The following TBC1D22A variants were observed in gnomAD, a reference collection of about 807,000 sequenced individuals.
TBC1D22A encodes the protein putative GTPase activator.
In TBC1D22A, 38 loss-of-function variants were observed where a neutral mutation model predicts 60.2. The observed-to-expected ratio is 0.63, with a 90% CI of 0.49 to 0.83. TBC1D22A has a LOEUF of 0.83. Among genes scored for constraint, TBC1D22A ranks in the 40% least tolerant of loss-of-function variants. TBC1D22A has a pLI of 0.00. For synonymous variants in TBC1D22A, 302 were observed against 281.7 expected, an observed-to-expected ratio of 1.07 and a Z score of -0.72; for missense variants, 628 against 701.0, an observed-to-expected ratio of 0.90 and a Z score of 1.18.
intron 8 of TBC1D22A, among the ~76,000 whole-genome samples, chr22:46,946,117 T>C (rs942556764): frequency 3.3e-5 from 5 of 152,210 alleles, no homozygotes; most frequent in Admixed American, 3.3e-4. Context: ...AGGGAGGGAA[T>C]GGAGTGTTGC....
At chr22:47,091,906 G>C (rs2147622774) in intron 11 of TBC1D22A, among the ~76,000 whole-genome samples, 1 of 152,330 alleles carries the variant, frequency 6.6e-6, no homozygotes, top group South Asian at 2.1e-4. Flanking sequence ...TGGGTACAGA[G>C]CTCTGTGATA....
intron 12 of TBC1D22A, among the ~76,000 whole-genome samples, chr22:47,120,134 A>G (rs1443412094): frequency 6.6e-6 from 1 of 152,204 alleles, no homozygotes; most frequent in Non-Finnish European, 1.5e-5. Context: ...CACTATTAAT[A>G]AAAATATCCT....
intron 12 of TBC1D22A, among the ~76,000 whole-genome samples, chr22:47,144,725 CCG>C (rs2067228442): frequency 6.9e-6 from 1 of 145,674 alleles, no homozygotes; most frequent in Non-Finnish European, 1.5e-5. Context: ...TGGGTGCAGC[CCG>C]TGAAGGTGCC....
intron 8 of TBC1D22A, 88 bp downstream of exon 8, chr22:46,912,276 A>G: frequency 1.0e-6 from 1 of 957,324 alleles, no homozygotes; most frequent in East Asian, 2.5e-5. Context: ...GAAAATTGCT[A>G]CTAAGTGTAA....
Position 46,762,665 on chromosome 22 carries a change from C to T in TBC1D22A, c.-122C>T. On this transcript the variant is annotated 5_prime_UTR_variant, in exon 1 of 13. Coordinates refer to ENST00000337137, the MANE Select transcript of TBC1D22A (RefSeq NM_014346.5). ...GGAAGGAGGCGGAAGAGCTTCTCGG[C>T]TCTAGGCTCTGGAGTCCCGGGAGCA... 1.2e-6 allele frequency: 1 copy of T among 822,776 alleles called. No individual in the cohort carries two copies. The highest frequency in any genetic ancestry group is 1.7e-6 in the Non-Finnish European group (1 of 575,778). The allele number at this position is 822,776 out of a possible 1,614,324, so 51.0% of individuals were successfully genotyped here. A position where few individuals can be genotyped will look rare whatever the true frequency, so the allele number is the denominator to read the frequency against.
intron 10 of TBC1D22A, among the ~76,000 whole-genome samples, chr22:47,029,395 C>A (rs1347678196): frequency 2.6e-5 from 4 of 152,180 alleles, no homozygotes; most frequent in African/African-American, 9.7e-5. Flanking sequence ...AACAAGAAAG[C>A]CCCTCAGAGC....
chr22:47,173,185 C>T (rs958689374), intron 12 of TBC1D22A, among the ~76,000 whole-genome samples: 4 of 152,222 alleles, frequency 2.6e-5, no homozygotes, highest in African/African-American at 9.6e-5. Flanking sequence ...GGACTTGGAG[C>T]TGCGCAGTGG....
At chr22:46,884,859 G>A (rs1177840038) in intron 5 of TBC1D22A, among the ~76,000 whole-genome samples, 1 of 152,198 alleles carries the variant, frequency 6.6e-6, no homozygotes, top group South Asian at 2.1e-4. Context: ...CATTTAAGCA[G>A]CGAAGTAAAA....
At chr22:46,834,366 C>CA (rs1327344490) in intron 4 of TBC1D22A, among the ~76,000 whole-genome samples, 1 of 152,142 alleles carries the variant, frequency 6.6e-6, no homozygotes, top group Non-Finnish European at 1.5e-5. Context: ...GAGGTCTTAG[C>CA]AGTCTTGTTG....
chr22:46,977,872 C>T (rs1375348379), intron 9 of TBC1D22A, among the ~76,000 whole-genome samples: 3 of 152,184 alleles, frequency 2.0e-5, no homozygotes, highest in Non-Finnish European at 2.9e-5. Flanking sequence ...TTAGAAACCG[C>T]CCCCAGGATC....
chr22:47,125,843 C>T (rs1461111710), intron 12 of TBC1D22A, among the ~76,000 whole-genome samples: 1 of 152,208 alleles, frequency 6.6e-6, no homozygotes, highest in Non-Finnish European at 1.5e-5. Flanking sequence ...GCTGGGGCTC[C>T]TGGAGCAGCC....
intron 7 of TBC1D22A, 54 bp from the exon 8 acceptor site, chr22:46,912,020 A>T: frequency 1.6e-6 from 2 of 1,218,908 alleles, no homozygotes; most frequent in Non-Finnish European, 2.4e-6. Flanking sequence ...CTTTCATTTT[A>T]AAGTTTCTGC....
chr22:47,091,560 G>A (rs1198472081), intron 11 of TBC1D22A, among the ~76,000 whole-genome samples: 7 of 148,168 alleles, frequency 4.7e-5, no homozygotes, highest in Admixed American at 2.0e-4. Flanking sequence ...GTGGCCTTGC[G>A]GAGGGGGTGG....
chr22:47,157,298 A>G (rs2067761709), intron 12 of TBC1D22A, among the ~76,000 whole-genome samples: 1 of 152,190 alleles, frequency 6.6e-6, no homozygotes, highest in African/African-American at 2.4e-5. Flanking sequence ...ACAGAGCTGC[A>G]CTATCCTGCA....
intron 11 of TBC1D22A, among the ~76,000 whole-genome samples, chr22:47,049,959 G>A (rs1166453879): frequency 1.3e-5 from 2 of 152,320 alleles, no homozygotes; most frequent in South Asian, 4.1e-4. Context: ...AAGTGACCCT[G>A]GGGCCCACTG....
At chr22:46,901,503 G>A (rs563415516) in intron 7 of TBC1D22A, among the ~76,000 whole-genome samples, 1 of 152,312 alleles carries the variant, frequency 6.6e-6, no homozygotes, top group African/African-American at 2.4e-5. Flanking sequence ...ATTTGAATGA[G>A]GTGAATGTTG....
intron 7 of TBC1D22A, among the ~76,000 whole-genome samples, chr22:46,906,505 C>T (rs1433690271): frequency 6.6e-6 from 1 of 152,188 alleles, no homozygotes; most frequent in Non-Finnish European, 1.5e-5. Context: ...ACGCTCAGGC[C>T]TCCTCTTAGT....
intron 8 of TBC1D22A, among the ~76,000 whole-genome samples, chr22:46,959,054 A>G (rs1459100865): frequency 6.6e-6 from 1 of 152,112 alleles, no homozygotes; most frequent in Admixed American, 6.5e-5. Context: ...CAGTTATGAG[A>G]ATGTGTGCTC....
chr22:46,892,295 T>TAAA (rs130980), intron 6 of TBC1D22A, among the ~76,000 whole-genome samples: 1 of 145,690 alleles, frequency 6.9e-6, no homozygotes, highest in Admixed American at 6.8e-5. Flanking sequence ...GTTTTATCTG[T>TAAA]AAAAAAAAAA....
Sources: allele counts gnomAD v4.1 joint callset (sites outside exome capture counted in the v4.1 genomes callset), GRCh38; gene constraint gnomAD v4.1.1; transcripts MANE v1.5; gene names NCBI Gene and HGNC (gene_info 2026-07-23, HGNC 2026-07-21).